HS6ST3: variants seen among roughly 807,000 people sequenced by gnomAD.
HS6ST3 encodes heparan sulfate 6-O-sulfotransferase 3.
HS6ST3 carries 12 observed loss-of-function variants against 36.7 expected under a neutral mutation model. That is an observed-to-expected ratio of 0.33 (90% confidence interval 0.21 to 0.53). The LOEUF (loss-of-function observed/expected upper bound fraction) is 0.53, where lower values mean the gene tolerates loss of function less well. Among genes scored for constraint, HS6ST3 ranks in the 20% least tolerant of loss-of-function variants. The pLI, the probability that HS6ST3 is intolerant of heterozygous loss-of-function variation, is 0.95. For missense variants in HS6ST3, 584 were observed against 640.9 expected, an observed-to-expected ratio of 0.91 and a Z score of 0.96; for synonymous variants, 240 against 257.5, an observed-to-expected ratio of 0.93 and a Z score of 0.65.
At chr13:96,668,160 TCACACACGCATACACACACACA>T (rs2056670392) in intron 1 of HS6ST3, among the ~76,000 whole-genome samples, 1 of 151,892 alleles carries the variant, frequency 6.6e-6, no homozygotes, top group South Asian at 2.1e-4. Flanking sequence ...TCTCTCTCTC[TCACACACGCATACACACACACA>T]CACACACGCA....
At chr13:96,530,662 C>T (rs2056131922) in intron 1 of HS6ST3, among the ~76,000 whole-genome samples, 2 of 152,070 alleles carry the variant, frequency 1.3e-5, no homozygotes, top group Non-Finnish European at 2.9e-5. Context: ...TGGCCTAACT[C>T]ATCAGTTTCT....
intron 1 of HS6ST3, among the ~76,000 whole-genome samples, chr13:96,550,810 C>A (rs1286899532): frequency 1.3e-5 from 2 of 152,026 alleles, no homozygotes; most frequent in African/African-American, 2.4e-5. Context: ...ATGTTAATTT[C>A]TTTTCATAAA....
In HS6ST3 at chr13:96,642,702, A is replaced by G. The variant is rs145118537; in HGVS notation, c.708-189788A>G. Among the ~76,000 whole-genome samples, 560 of 151,944 alleles carry G rather than the reference A, an allele frequency of 3.7e-3. 6 individuals are homozygous for G. The highest frequency in any genetic ancestry group is 0.037 in the South Asian group (177 of 4,820). On this transcript the variant is annotated intron_variant, in intron 1 of 1. Transcript: ENST00000376705. ...GCCATGTAGTGATGTTTCTACTTCA[A>G]TTATTCTTTTTGCCATCAGATATTC...
At chr13:96,303,020 T>G (rs934835829) in intron 1 of HS6ST3, among the ~76,000 whole-genome samples, 1 of 152,178 alleles carries the variant, frequency 6.6e-6, no homozygotes, top group Non-Finnish European at 1.5e-5. Flanking sequence ...TAAGGTTGAG[T>G]GAATGCGATA....
At chr13:96,238,636 A>C (rs980562687) in intron 1 of HS6ST3, among the ~76,000 whole-genome samples, 1 of 152,206 alleles carries the variant, frequency 6.6e-6, no homozygotes, top group African/African-American at 2.4e-5. Flanking sequence ...TTTCTTTACA[A>C]GACTCATGGC....
At chr13:96,756,604 C>A (rs1160835148) in intron 1 of HS6ST3, among the ~76,000 whole-genome samples, 2 of 152,144 alleles carry the variant, frequency 1.3e-5, no homozygotes, top group Admixed American at 6.5e-5. Context: ...CATACTGGAT[C>A]TTAACAAAAG....
chr13:96,626,047 T>C (rs1271008108), intron 1 of HS6ST3, among the ~76,000 whole-genome samples: 1 of 151,990 alleles, frequency 6.6e-6, no homozygotes, highest in African/African-American at 2.4e-5. Context: ...CTTCACCATG[T>C]TAGCCAGCAT....
intron 1 of HS6ST3, among the ~76,000 whole-genome samples, chr13:96,560,713 A>G (rs2056258707): frequency 6.6e-6 from 1 of 152,210 alleles, no homozygotes. Flanking sequence ...AATAATCAGT[A>G]GCATTTCTAT....
intron 1 of HS6ST3, among the ~76,000 whole-genome samples, chr13:96,492,050 T>C (rs1194042182): frequency 2.0e-5 from 3 of 152,206 alleles, no homozygotes; most frequent in Non-Finnish European, 4.4e-5. Flanking sequence ...ATATTCATTT[T>C]ACAGAGGACA....
At chr13:96,424,028 A>G (rs2055574228) in intron 1 of HS6ST3, among the ~76,000 whole-genome samples, 1 of 152,204 alleles carries the variant, frequency 6.6e-6, no homozygotes. Context: ...AAAACTACCT[A>G]AGGGACTATT....
At chr13:96,358,019 T>C (rs2055218570) in intron 1 of HS6ST3, among the ~76,000 whole-genome samples, 1 of 152,164 alleles carries the variant, frequency 6.6e-6, no homozygotes, top group African/African-American at 2.4e-5. Context: ...ATAGATTTAT[T>C]CAAAGCAGGG....
intron 1 of HS6ST3, among the ~76,000 whole-genome samples, chr13:96,667,248 CTTAATTTCTA>C (rs1341717119): frequency 6.6e-6 from 1 of 152,168 alleles, no homozygotes; most frequent in Non-Finnish European, 1.5e-5. Flanking sequence ...TTTCTATTCT[CTTAATTTCTA>C]AGTTGTAACG....
intron 1 of HS6ST3, among the ~76,000 whole-genome samples, chr13:96,128,201 C>T (rs549723824): frequency 8.0e-4 from 122 of 152,182 alleles, no homozygotes; most frequent in Non-Finnish European, 1.3e-3. Flanking sequence ...GCAGGATGAC[C>T]TACGGGTGGG....
intron 1 of HS6ST3, among the ~76,000 whole-genome samples, chr13:96,571,148 C>G (rs1376928239): frequency 6.6e-6 from 1 of 152,182 alleles, no homozygotes; most frequent in East Asian, 1.9e-4. Context: ...TGAATGTTCA[C>G]TTATTCTATT....
At chr13:96,484,148 T>C (rs1003382798) in intron 1 of HS6ST3, among the ~76,000 whole-genome samples, 5 of 152,168 alleles carry the variant, frequency 3.3e-5, no homozygotes, top group African/African-American at 1.2e-4. Flanking sequence ...GTAGCTTTTT[T>C]TCAGCTTTAT....
chr13:96,328,827 G>A (rs2055047976), intron 1 of HS6ST3, among the ~76,000 whole-genome samples: 1 of 151,976 alleles, frequency 6.6e-6, no homozygotes, highest in Admixed American at 6.6e-5. Context: ...CTTTTTGGTT[G>A]GTAAACTATT....
At chr13:96,647,095 G>A (rs1011206063) in intron 1 of HS6ST3, among the ~76,000 whole-genome samples, 1 of 152,094 alleles carries the variant, frequency 6.6e-6, no homozygotes, top group East Asian at 1.9e-4. Context: ...GGCCTTCTCT[G>A]CATCATCCGT....
chr13:96,511,966 A>G (rs1712407164), intron 1 of HS6ST3, among the ~76,000 whole-genome samples: 1 of 152,184 alleles, frequency 6.6e-6, no homozygotes, highest in Admixed American at 6.6e-5. Flanking sequence ...AGACAGACTA[A>G]TATTTCTCAG....
At chr13:96,105,649 CAAAAAT>C (rs528112116) in intron 1 of HS6ST3, among the ~76,000 whole-genome samples, 59 of 151,412 alleles carry the variant, frequency 3.9e-4, no homozygotes, top group Non-Finnish European at 7.7e-4. Flanking sequence ...ATTTCTGTCT[CAAAAAT>C]AAAAATAAAA....
Sources: gnomAD v4.1 joint callset for allele counts (sites outside exome capture counted in the v4.1 genomes callset) on GRCh38, gnomAD v4.1.1 for gene constraint, MANE v1.5 for transcripts, NCBI Gene and HGNC (gene_info 2026-07-23, HGNC 2026-07-21) for gene names.